Variants in PAG1 observed in about 807,000 individuals in gnomAD.
The protein encoded by PAG1 is phosphoprotein associated with glycosphingolipid-enriched microdomains 1.
PAG1 carries 23 observed loss-of-function variants against 31.7 expected under a neutral mutation model. That is an observed-to-expected ratio of 0.73 (90% CI 0.52 to 1.03). The LOEUF is 1.03. Among genes scored for constraint, PAG1 ranks in the 50% least tolerant of loss-of-function variants. The pLI, the probability that PAG1 is intolerant of heterozygous loss-of-function variation, is 0.00. For synonymous variants in PAG1, 214 were observed against 210.3 expected (o/e 1.02, Z -0.15); for missense variants, 473 against 540.7 (o/e 0.87, Z 1.24).
intron 2 of PAG1, among the ~76,000 whole-genome samples, chr8:81,043,056 T>C (rs1447130289): frequency 1.3e-5 from 2 of 152,336 alleles, no homozygotes; most frequent in East Asian, 3.9e-4. Context: ...TTTTATTTTT[T>C]AATAGTTCCC....
At position 81,029,933 on chromosome 8, in the gene PAG1, G is replaced by T. The variant is rs1031931995; in HGVS notation, c.-81+63C>A. ...GACTAAACAATTAAACCTTTGTGCT[G>T]TACCACTGCCATTCAAAAATTCTAG... On this transcript the variant is annotated intron_variant, in intron 3 of 8. Transcript: ENST00000220597. The T allele has an allele frequency of 7.1e-4, 108 of 152,290 alleles. 1 individual carries two copies. The highest frequency in any genetic ancestry group is 2.5e-3 in the African/African-American group (105 of 41,550). The allele number at this position is 152,290 out of a possible 1,614,324, so 9.4% of individuals were successfully genotyped here.
intron 1 of PAG1, among the ~76,000 whole-genome samples, chr8:81,080,300 G>C (rs753092042): frequency 1.3e-5 from 2 of 151,962 alleles, no homozygotes; most frequent in Non-Finnish European, 2.9e-5. Context: ...ATTCTATGGG[G>C]GTCTTAAGTT....
rs186204688 is a variant in PAG1 at position 81,056,750 on chromosome 8, G to C, written c.-175+13362C>G. Among the ~76,000 whole-genome samples, 1,272 of 152,136 alleles carry C rather than the reference G, an allele frequency of 8.4e-3. 17 individuals are homozygous for C. The highest frequency in any genetic ancestry group is 0.028 in the African/African-American group (1,164 of 41,506). On this transcript the variant is annotated intron_variant, in intron 2 of 8. Coordinates refer to ENST00000220597, the MANE Select transcript of PAG1 (RefSeq NM_018440.4). The stretch of plus-strand genomic sequence containing the variant: ...CTAATTAAACTAAAGAGCTTCTGCA[G>C]AGCAAAAGAAACTACCATCACAGTG...
chr8:81,059,455 T>TA (rs1219054909), intron 2 of PAG1, among the ~76,000 whole-genome samples: 2 of 152,182 alleles, frequency 1.3e-5, no homozygotes, highest in East Asian at 3.9e-4. Flanking sequence ...GAAAGACCAG[T>TA]ATTTACAGCA....
intron 5 of PAG1, among the ~76,000 whole-genome samples, chr8:80,989,165 T>C (rs923070894): frequency 6.6e-6 from 1 of 152,212 alleles, no homozygotes; most frequent in Non-Finnish European, 1.5e-5. Context: ...AAAAGTGTAT[T>C]GGAAGTCAGC....
chr8:81,065,597 C>A (rs1277472594), intron 2 of PAG1, among the ~76,000 whole-genome samples: 1 of 152,008 alleles, frequency 6.6e-6, no homozygotes, highest in African/African-American at 2.4e-5. Flanking sequence ...GATCAGACTG[C>A]TAATAAAAAA....
intron 1 of PAG1, among the ~76,000 whole-genome samples, chr8:81,084,094 C>A (rs910281338): frequency 6.6e-6 from 1 of 151,816 alleles, no homozygotes; most frequent in Middle Eastern, 3.2e-3. Context: ...AGAAGAAAAG[C>A]CAGGTAACTC....
At chr8:81,098,807 A>C (rs1449998631) in intron 1 of PAG1, among the ~76,000 whole-genome samples, 1 of 152,222 alleles carries the variant, frequency 6.6e-6, no homozygotes, top group Non-Finnish European at 1.5e-5. Flanking sequence ...GTGAAAAAGA[A>C]AGACAAATAT....
intron 1 of PAG1, among the ~76,000 whole-genome samples, chr8:81,086,563 A>C (rs1029892441): frequency 6.6e-6 from 1 of 152,094 alleles, no homozygotes; most frequent in South Asian, 2.1e-4. Context: ...TAAAAGAAAA[A>C]ATATTTGAAA....
chr8:81,043,235 A>G (rs1808584827), intron 2 of PAG1, among the ~76,000 whole-genome samples: 1 of 152,098 alleles, frequency 6.6e-6, no homozygotes, highest in African/African-American at 2.4e-5. Context: ...ATGTTTTAGT[A>G]AATGTCCAGT....
At chr8:81,064,127 GAGGACC>G in intron 2 of PAG1, among the ~76,000 whole-genome samples, 1 of 152,178 alleles carries the variant, frequency 6.6e-6, no homozygotes, top group African/African-American at 2.4e-5. Flanking sequence ...GGGGAGCCAA[GAGGACC>G]TCTAAAGCAG....
chr8:81,038,899 C>T (rs1006965037), intron 2 of PAG1, among the ~76,000 whole-genome samples: 1 of 152,160 alleles, frequency 6.6e-6, no homozygotes, highest in African/African-American at 2.4e-5. Flanking sequence ...CTGAGACATT[C>T]AGTGAGATGT....
chr8:81,052,719 G>A (rs1808753617), intron 2 of PAG1, among the ~76,000 whole-genome samples: 1 of 152,180 alleles, frequency 6.6e-6, no homozygotes, highest in African/African-American at 2.4e-5. Context: ...ATTATTTTGT[G>A]TGAACAAACC....
At chr8:80,979,136 T>C (rs1807244698) in intron 8 of PAG1, among the ~76,000 whole-genome samples, 1 of 152,374 alleles carries the variant, frequency 6.6e-6, no homozygotes, top group East Asian at 1.9e-4. Flanking sequence ...TCTGTCATGT[T>C]AAAAATTCAT....
intron 1 of PAG1, among the ~76,000 whole-genome samples, chr8:81,073,531 C>CACTCAA (rs1809127245): frequency 1.3e-5 from 2 of 152,122 alleles, no homozygotes; most frequent in African/African-American, 4.8e-5. Flanking sequence ...TCAAAAAGAC[C>CACTCAA]GGGAGTGGCT....
At chr8:80,991,570 C>T (rs769935371) in intron 4 of PAG1, 40 bp from the exon 5 acceptor site, 4 of 1,484,700 alleles carry the variant, frequency 2.7e-6, no homozygotes, top group South Asian at 2.3e-5. Context: ...CAAATGTGCC[C>T]CCTTAAAATC....
At chr8:81,027,073 T>C (rs1393025977) in intron 3 of PAG1, among the ~76,000 whole-genome samples, 1 of 152,106 alleles carries the variant, frequency 6.6e-6, no homozygotes, top group Non-Finnish European at 1.5e-5. Context: ...TGGAGTGGTA[T>C]GATCTCAGCT....
At chr8:81,005,696 C>T (rs1002747695) in intron 3 of PAG1, among the ~76,000 whole-genome samples, 1 of 152,128 alleles carries the variant, frequency 6.6e-6, no homozygotes, top group African/African-American at 2.4e-5. Context: ...TATGGAATAC[C>T]CAGCCTCCAT....
chr8:81,054,223 G>T (rs943750882), intron 2 of PAG1, among the ~76,000 whole-genome samples: 3 of 152,084 alleles, frequency 2.0e-5, no homozygotes, highest in African/African-American at 7.2e-5. Flanking sequence ...GTTCAATAAG[G>T]ATATATCCCA....
Sources: allele counts gnomAD v4.1 joint callset (sites outside exome capture counted in the v4.1 genomes callset), GRCh38; gene constraint gnomAD v4.1.1; transcripts MANE v1.5; gene names NCBI Gene and HGNC (gene_info 2026-07-23, HGNC 2026-07-21).